SHROOM3: variants seen among roughly 807,000 people sequenced by gnomAD.
SHROOM3 encodes the protein shroom family member 3.
A neutral mutation model predicts 138.6 loss-of-function variants in SHROOM3; 47 were observed. That is an observed-to-expected ratio of 0.34 (90% CI 0.27 to 0.43). The LOEUF is 0.43. Among genes scored for constraint, SHROOM3 ranks in the 20% least tolerant of loss-of-function variants. The pLI is 1.00. For synonymous variants in SHROOM3, 1,062 were observed against 1,063.3 expected (o/e 1.00, Z 0.02); for missense variants, 2,491 against 2,596.5 (o/e 0.96, Z 0.88).
intron 2 of SHROOM3, among the ~76,000 whole-genome samples, chr4:76,682,510 C>T (rs1312250297): frequency 2.6e-5 from 4 of 152,126 alleles, no homozygotes; most frequent in African/African-American, 9.7e-5. Flanking sequence ...TTTTCCACTA[C>T]ACTGTGAGTT....
chr4:76,704,180 C>G (rs1048997783), intron 2 of SHROOM3, among the ~76,000 whole-genome samples: 5 of 152,198 alleles, frequency 3.3e-5, no homozygotes, highest in Non-Finnish European at 7.3e-5. Flanking sequence ...GTTTTGGATG[C>G]ATTACAATTA....
chr4:76,541,953 G>A (rs1348601279), intron 1 of SHROOM3, among the ~76,000 whole-genome samples: 2 of 152,104 alleles, frequency 1.3e-5, no homozygotes, highest in Admixed American at 1.3e-4. Context: ...CTCTATGATG[G>A]TGCTCATTCT....
intron 1 of SHROOM3, among the ~76,000 whole-genome samples, chr4:76,532,594 C>CT (rs1476400577): frequency 2.0e-5 from 3 of 152,186 alleles, no homozygotes; most frequent in African/African-American, 2.4e-5. Flanking sequence ...AACTTAATGC[C>CT]TTTTCCATCT....
intron 1 of SHROOM3, among the ~76,000 whole-genome samples, chr4:76,468,053 G>T (rs536109980): frequency 8.5e-5 from 13 of 152,372 alleles, no homozygotes; most frequent in South Asian, 6.2e-4. Flanking sequence ...TTGGGAGCCA[G>T]ACCAGTTAAG....
At chr4:76,616,721 G>T (rs746738298) in intron 2 of SHROOM3, among the ~76,000 whole-genome samples, 1 of 152,210 alleles carries the variant, frequency 6.6e-6, no homozygotes, top group East Asian at 1.9e-4. Context: ...TTTCAGTTTT[G>T]CAAGATGAGA....
intron 1 of SHROOM3, among the ~76,000 whole-genome samples, chr4:76,503,014 T>C (rs7696372): frequency 0.18 from 26,763 of 152,168 alleles, 2,737 homozygotes; most frequent in African/African-American, 0.27. Flanking sequence ...TGTCTATCCT[T>C]GTGCCAATAT....
rs1455238621 is a variant in SHROOM3, at chr4:76,759,611, C to T, written c.5265C>T (p.Pro1755=). ...NCPAYYSVSA[P]KAELLNKIKE... Reference sequence around the variant, plus strand: ...CTGCCTACTACAGTGTGTCTGCTCCCAAGGCTGAGCTACTGAACAAAATCA... The same window carrying T: ...CTGCCTACTACAGTGTGTCTGCTCCTAAGGCTGAGCTACTGAACAAAATCA... Residue 1755 remains proline (P), a synonymous_variant, in exon 9 of 11, where the codon CCC becomes CCT. Transcript: ENST00000296043. 1.2e-6 allele frequency: 2 copies of T among 1,614,122 alleles called. No individual in the cohort carries two copies. The highest frequency in any genetic ancestry group is 3.3e-5 in the Admixed American group (2 of 60,022).
chr4:76,723,299 C>T (rs549248890), intron 3 of SHROOM3, among the ~76,000 whole-genome samples: 58 of 152,290 alleles, frequency 3.8e-4, no homozygotes, highest in Non-Finnish European at 6.8e-4. Context: ...CTGCTCTTCA[C>T]TCACAAGGCT....
intron 3 of SHROOM3, among the ~76,000 whole-genome samples, chr4:76,714,531 C>T (rs1388553364): frequency 6.6e-6 from 1 of 152,098 alleles, no homozygotes; most frequent in Non-Finnish European, 1.5e-5. Flanking sequence ...ACCTTGATTA[C>T]TTGGTTATGG....
intron 2 of SHROOM3, among the ~76,000 whole-genome samples, chr4:76,605,097 A>G (rs1046390460): frequency 6.6e-6 from 1 of 152,220 alleles, no homozygotes; most frequent in Non-Finnish European, 1.5e-5. Flanking sequence ...TGCAGGCTTG[A>G]AAAGTAATGT....
chr4:76,621,361 C>T (rs547005565), intron 2 of SHROOM3, among the ~76,000 whole-genome samples: 7 of 152,254 alleles, frequency 4.6e-5, no homozygotes, highest in African/African-American at 9.6e-5. Context: ...GCTGGACTAA[C>T]GCTGATTAAG....
intron 2 of SHROOM3, chr4:76,586,061 G>A (rs7678670): frequency 0.014 from 2,376 of 167,196 alleles, 55 homozygotes; most frequent in African/African-American, 0.051. Context: ...TGCAAGTGGC[G>A]GCGGGAATGC....
Position 76,741,326 on chromosome 4 carries a change from G to A in SHROOM3, c.3153G>A (p.Glu1051=), listed in dbSNP as rs770363926. The change falls in exon 5 of 11, where the codon GAG becomes GAA. Residue 1051 remains glutamate, a synonymous_variant. Transcript: ENST00000296043. This position sits in a 1 kb window ranked among gnomAD's most constrained non-coding sequence, Gnocchi z 6.2. ...GPQRNGMRFP[E]SSVADRRRLF... ...AGAGAAATGGGATGCGTTTCCCGGA[G>A]AGCAGCGTGGCCGACCGGCGCCGTC... The A allele has an allele frequency of 1.2e-5, 20 of 1,611,560 alleles. No individual in the cohort carries two copies. Among genetic ancestry groups the A allele is most frequent in the South Asian group, 1.1e-4 (10 of 90,966 alleles).
At chr4:76,775,886 C>T (rs886854127) in intron 10 of SHROOM3, among the ~76,000 whole-genome samples, 1 of 151,396 alleles carries the variant, frequency 6.6e-6, no homozygotes, top group Admixed American at 6.6e-5. Context: ...AATTGATGGG[C>T]ATTTGGGCTG....
chr4:76,626,458 A>G (rs1387945237), intron 2 of SHROOM3, among the ~76,000 whole-genome samples: 1 of 152,222 alleles, frequency 6.6e-6, no homozygotes, highest in Non-Finnish European at 1.5e-5. Flanking sequence ...CCCATTGTCT[A>G]TCTCAAACAC....
chr4:76,466,644 C>T (rs1731254634), intron 1 of SHROOM3, among the ~76,000 whole-genome samples: 1 of 152,148 alleles, frequency 6.6e-6, no homozygotes, highest in Non-Finnish European at 1.5e-5. Context: ...TGCATTTAAT[C>T]ATGGGAGAAT....
At position 76,507,701 on chromosome 4, in the gene SHROOM3, G is replaced by T. The variant is rs1017997789; in HGVS notation, c.169-47908G>T. On this transcript the variant is annotated intron_variant, in intron 1 of 10. Coordinates refer to ENST00000296043, the MANE Select transcript of SHROOM3 (RefSeq NM_020859.4). ...CTACAGGCGCCCGCCACCATGCCTG[G>T]CCTGGCTAATTTTTTTGTATTTTTA... Among the ~76,000 whole-genome samples, 7 of 151,830 alleles carry T rather than the reference G, an allele frequency of 4.6e-5. No homozygotes were observed. The South Asian group carries it at 1.5e-3, about 32-fold the overall frequency.
chr4:76,731,026 T>G, intron 4 of SHROOM3, 91 bp downstream of exon 4: 1 of 1,536,658 alleles, frequency 6.5e-7, no homozygotes, highest in Non-Finnish European at 8.9e-7. Context: ...TTGAGAATGT[T>G]TTTTCTTATA....
At position 76,693,370 on chromosome 4, in the gene SHROOM3, G is replaced by GTTTTTTTTTTTTTTTTT. The variant is rs10648549; in HGVS notation, c.324-16779_324-16763dup. On this transcript the variant is annotated intron_variant, in intron 2 of 10. Coordinates refer to ENST00000296043, the MANE Select transcript of SHROOM3 (RefSeq NM_020859.4). The stretch of plus-strand genomic sequence containing the variant: ...TGCATACCTTCATTTTGATAAGTTT[G>GTTTTTTTTTTTTTTTTT]TTTTTTTTTTTTTTTTTTTTTTTAA... Among the ~76,000 whole-genome samples the GTTTTTTTTTTTTTTTTT allele has an allele frequency of 7.3e-4, 58 of 79,824 alleles. 5 individuals carry two copies. The highest frequency in any genetic ancestry group is 2.7e-3 in the African/African-American group (52 of 19,556). 52.4% of individuals were successfully genotyped at this position (79,824 alleles called of 152,430 possible).
Sources: gnomAD v4.1 joint callset for allele counts (sites outside exome capture counted in the v4.1 genomes callset) on GRCh38, gnomAD v4.1.1 for gene constraint, Gnocchi (gnomAD v3.1) non-coding constraint, MANE v1.5 for transcripts, NCBI Gene and HGNC (gene_info 2026-07-23, HGNC 2026-07-21) for gene names.